ZNF492: variants seen among roughly 807,000 people sequenced by gnomAD.
The protein encoded by ZNF492 is zinc finger protein 492, also known as zinc finger protein 115 (Y20).
ZNF492 carries 3 observed loss-of-function variants against 6.4 expected under a neutral mutation model. The observed-to-expected ratio is 0.47, with a 90% CI of 0.21 to 1.22. The LOEUF (loss-of-function observed/expected upper bound fraction) is 1.22, where lower values mean the gene tolerates loss of function less well. Among genes scored for constraint, ZNF492 ranks in the 50% most tolerant of loss-of-function variants. The probability of loss-of-function intolerance (pLI) is 0.22; values close to 1 mark genes in which losing one functional copy is unlikely to be tolerated. For missense variants in ZNF492, 356 were observed against 612.5 expected (o/e 0.58, Z 4.42); for synonymous variants, 112 against 205.3 (o/e 0.55, Z 3.89).
At chr19:22,647,855 T>G (rs1971900373) in intron 1 of ZNF492, among the ~76,000 whole-genome samples, 2 of 149,894 alleles carry the variant, frequency 1.3e-5, no homozygotes, top group Non-Finnish European at 3.0e-5. Context: ...CTCAACCTCC[T>G]GAGTAGCTGG....
intron 1 of ZNF492, among the ~76,000 whole-genome samples, chr19:22,638,325 T>C (rs1165474787): frequency 3.9e-5 from 6 of 152,188 alleles, no homozygotes; most frequent in African/African-American, 1.4e-4. Flanking sequence ...AGTTATCTCA[T>C]GCATTTTTTA....
Position 22,663,946 on chromosome 19 carries a change from G to T in ZNF492, c.277G>T (p.Val93Leu). Residue 93 changes from valine (V) to leucine (L), a missense_variant, in exon 4 of 4, where the codon GTG becomes TTG. Physicochemically the swap from Val to Leu is conservative, Grantham distance 32. This residue lies in a region of ZNF492 where 196 missense variants were observed against 219.4 expected (regional missense o/e 0.89). Transcript: ENST00000456783. Reference protein sequence around the residue: ...KYCKSMDECKVHKECYNGLNQ... With the variant: ...KYCKSMDECKLHKECYNGLNQ... ...CTGTAAAAGCATGGATGAGTGTAAG[G>T]TGCACAAAGAATGTTACAATGGACT... The T allele has an allele frequency of 6.2e-7, 1 of 1,611,536 alleles. No individual in the cohort carries two copies. Among genetic ancestry groups the T allele is most frequent in the Non-Finnish European group, 8.5e-7 (1 of 1,178,834 alleles).
intron 3 of ZNF492, among the ~76,000 whole-genome samples, chr19:22,660,421 T>A (rs1029071580): frequency 7.9e-5 from 12 of 151,784 alleles, no homozygotes; most frequent in African/African-American, 2.9e-4. Context: ...ACAGATTTTT[T>A]TTTTTGGTGG....
intron 1 of ZNF492, among the ~76,000 whole-genome samples, chr19:22,652,666 G>A (rs948406514): frequency 6.6e-6 from 1 of 150,672 alleles, no homozygotes; most frequent in African/African-American, 2.4e-5. Context: ...TGCAAGCTCC[G>A]CCTCTGGGGT....
At chr19:22,648,912 T>G (rs2361244) in intron 1 of ZNF492, among the ~76,000 whole-genome samples, 64,609 of 152,050 alleles carry the variant, frequency 0.42, 16,773 homozygotes, top group African/African-American at 0.75. Flanking sequence ...TCTTTTAATT[T>G]GGGCATTTAG....
intron 1 of ZNF492, among the ~76,000 whole-genome samples, chr19:22,651,148 G>A (rs1971936209): frequency 6.6e-6 from 1 of 152,066 alleles, no homozygotes. Flanking sequence ...TGGCTGGGGG[G>A]TGGGGGCTCC....
At chr19:22,647,710 G>T (rs1971896317) in intron 1 of ZNF492, among the ~76,000 whole-genome samples, 1 of 139,892 alleles carries the variant, frequency 7.1e-6, no homozygotes, top group Non-Finnish European at 1.5e-5. Context: ...GTTTGCTCTT[G>T]CTTTCTAGCT....
intron 2 of ZNF492, 41 bp from the exon 3 acceptor site, chr19:22,653,879 G>A: frequency 6.5e-7 from 1 of 1,538,238 alleles, no homozygotes; most frequent in South Asian, 1.3e-5. Flanking sequence ...ATTGGTAATT[G>A]GAGAATATGA....
At chr19:22,643,099 C>T (rs569028211) in intron 1 of ZNF492, among the ~76,000 whole-genome samples, 59 of 152,084 alleles carry the variant, frequency 3.9e-4, no homozygotes, top group African/African-American at 1.4e-3. Flanking sequence ...TCTGTCTCTA[C>T]TAAAAATACA....
At chr19:22,659,493 G>T (rs1208824218) in intron 3 of ZNF492, among the ~76,000 whole-genome samples, 2 of 150,786 alleles carry the variant, frequency 1.3e-5, no homozygotes, top group African/African-American at 2.5e-5. Flanking sequence ...CTATAATTAT[G>T]TTGCTCTCTA....
rs1225318702 is a variant in ZNF492, at chr19:22,664,234, A to C, written c.565A>C (p.Arg189=). The C allele has an allele frequency of 6.2e-7, 1 of 1,611,698 alleles. No homozygotes were observed. Among genetic ancestry groups the C allele is most frequent in the East Asian group, 2.2e-5 (1 of 44,812 alleles). Reference sequence around the variant, plus strand: ...GACCTCAAACCTTTCTACACATAAAAGAATTCATACTGGAAAGAAACCCTA... The same window carrying C: ...GACCTCAAACCTTTCTACACATAAACGAATTCATACTGGAAAGAAACCCTA... ...NETSNLSTHK[R]IHTGKKPYKC... is the part of the protein sequence containing the mutation. Residue 189 remains arginine (R), a synonymous_variant, in exon 4 of 4, where the codon AGA becomes CGA. Transcript: ENST00000456783.
intron 1 of ZNF492, among the ~76,000 whole-genome samples, chr19:22,635,112 A>G (rs192157817): frequency 2.6e-3 from 400 of 152,196 alleles, no homozygotes; most frequent in African/African-American, 8.0e-3. Context: ...CTTACTTGGC[A>G]GTTTATCGTT....
chr19:22,656,874 G>A (rs1283366164), intron 3 of ZNF492, among the ~76,000 whole-genome samples: 1 of 152,066 alleles, frequency 6.6e-6, no homozygotes, highest in African/African-American at 2.4e-5. Context: ...TTTGGAGATG[G>A]GTTCTTGCTA....
rs1168637877 is a variant in ZNF492 at position 22,640,395 on chromosome 19, TG to T, written c.-94+5924del. On this transcript the variant is annotated intron_variant, in intron 1 of 3. Transcript: ENST00000456783. ...CAGGCTGGTCTCGAACTCCTGACCT[TG>T]GGTGATCTGCCTGCTTTGGCTTCCC... Among the ~76,000 whole-genome samples the T allele has an allele frequency of 2.6e-5, 4 of 152,132 alleles. No individual in the cohort carries two copies. In the East Asian group the frequency reaches 7.7e-4, roughly 29 times the overall value.
chr19:22,657,861 T>A (rs1251191155), intron 3 of ZNF492, among the ~76,000 whole-genome samples: 1 of 152,112 alleles, frequency 6.6e-6, no homozygotes, highest in Non-Finnish European at 1.5e-5. Flanking sequence ...TGACCCCAAT[T>A]TTGGTTATGG....
intron 1 of ZNF492, among the ~76,000 whole-genome samples, chr19:22,649,353 C>G (rs2195953): frequency 0.081 from 12,345 of 152,074 alleles, 1,625 homozygotes; most frequent in African/African-American, 0.28. Context: ...GTCTGACTAC[C>G]CTTAACATTT....
chr19:22,647,847 C>T (rs1186260324), intron 1 of ZNF492, among the ~76,000 whole-genome samples: 1 of 150,046 alleles, frequency 6.7e-6, no homozygotes, highest in East Asian at 2.0e-4. Flanking sequence ...CTCTCTGCCT[C>T]AACCTCCTGA....
intron 3 of ZNF492, among the ~76,000 whole-genome samples, chr19:22,660,200 G>T (rs922033325): frequency 5.9e-5 from 9 of 152,062 alleles, no homozygotes; most frequent in African/African-American, 2.2e-4. Context: ...TTGGATCTTG[G>T]TTTTTAAAAT....
In ZNF492 at chr19:22,663,992, C is replaced by T. The variant is rs1195466535; in HGVS notation, c.323C>T (p.Thr108Ile). Residue 108 changes from threonine to isoleucine, a missense_variant, in exon 4 of 4, where the codon ACC becomes ATC. Thr to Ile is a moderately conservative substitution (Grantham distance 89). Transcript: ENST00000456783. ...GGACTTAACCAGTGTTTGACGACTACCCAGAACAAAATATTTCAATGTGAC... is the reference window on the plus strand; with the variant it reads ...GGACTTAACCAGTGTTTGACGACTATCCAGAACAAAATATTTCAATGTGAC... ...YNGLNQCLTT[T>I]QNKIFQCDKY... is the part of the protein sequence containing the mutation. 6.2e-7 allele frequency: 1 copy of T among 1,611,554 alleles called. No individual in the cohort carries two copies. The highest frequency in any genetic ancestry group is 1.3e-5 in the African/African-American group (1 of 74,848).
Sources: gnomAD v4.1 joint callset for allele counts (sites outside exome capture counted in the v4.1 genomes callset) on GRCh38, gnomAD v4.1.1 for gene constraint, gnomAD v4.1.1 regional missense constraint, MANE v1.5 for transcripts, NCBI Gene and HGNC (gene_info 2026-07-23, HGNC 2026-07-21) for gene names.